MACROD2: variants seen among roughly 807,000 people sequenced by gnomAD.
MACROD2 encodes ADP-ribose glycohydrolase MACROD2.
MACROD2 carries 36 observed loss-of-function variants against 70.4 expected under a neutral mutation model. That is an observed-to-expected ratio of 0.51 (90% CI 0.39 to 0.68). The LOEUF (loss-of-function observed/expected upper bound fraction) is 0.68, where lower values mean the gene tolerates loss of function less well. Ranked by LOEUF, MACROD2 falls within the 30% of genes least tolerant of loss-of-function variation. MACROD2 has a pLI of 0.00. For synonymous variants in MACROD2, 172 were observed against 178.8 expected (o/e 0.96, Z 0.30); for missense variants, 496 against 538.4 (o/e 0.92, Z 0.78).
intron 3 of MACROD2, among the ~76,000 whole-genome samples, chr20:14,285,776 C>T (rs1198625774): frequency 6.6e-6 from 1 of 151,978 alleles, no homozygotes; most frequent in Non-Finnish European, 1.5e-5. Context: ...TGTGTTGAGA[C>T]CATTAACAAT....
Position 15,987,048 on chromosome 20 carries a change from C to A in MACROD2, c.1061-18C>A. ...AACTAAAACAACCCTGAGTGTCCAT[C>A]TGTCTCATTCTATTTAGAACTTTCA... On this transcript the variant is annotated intron_variant, in intron 14 of 17. Transcript: ENST00000684519. 6.3e-7 allele frequency: 1 copy of A among 1,587,988 alleles called. No individual in the cohort carries two copies. The highest frequency in any genetic ancestry group is 8.6e-7 in the Non-Finnish European group (1 of 1,164,982).
intron 5 of MACROD2, among the ~76,000 whole-genome samples, chr20:15,112,465 A>G (rs1166998618): frequency 2.0e-5 from 3 of 152,252 alleles, no homozygotes; most frequent in Admixed American, 1.3e-4. Flanking sequence ...CAAGTTTCAG[A>G]TTTTAATTCC....
At chr20:15,139,151 G>C (rs17292844) in intron 5 of MACROD2, among the ~76,000 whole-genome samples, 32,151 of 152,106 alleles carry the variant, frequency 0.21, 4,659 homozygotes, top group Non-Finnish European at 0.32. Flanking sequence ...GCTCATCCAT[G>C]CTTATAAAAA....
intron 7 of MACROD2, among the ~76,000 whole-genome samples, chr20:15,452,398 G>T (rs2046655832): frequency 6.6e-6 from 1 of 152,064 alleles, no homozygotes; most frequent in South Asian, 2.1e-4. Context: ...CCCAAAAAAA[G>T]ATAGATAAGT....
chr20:14,907,524 T>TG (rs1350265124), intron 5 of MACROD2, among the ~76,000 whole-genome samples: 2 of 152,228 alleles, frequency 1.3e-5, no homozygotes, highest in Non-Finnish European at 2.9e-5. Context: ...CTGTCTGTGA[T>TG]GTCCCGGGGG....
At chr20:15,666,378 C>T (rs1388935758) in intron 8 of MACROD2, among the ~76,000 whole-genome samples, 3 of 152,304 alleles carry the variant, frequency 2.0e-5, no homozygotes, top group African/African-American at 7.2e-5. Flanking sequence ...CAGCTTTACC[C>T]TTCAGCAGCC....
At chr20:14,464,076 T>C (rs1044848391) in intron 3 of MACROD2, among the ~76,000 whole-genome samples, 50 of 152,122 alleles carry the variant, frequency 3.3e-4, no homozygotes, top group Non-Finnish European at 5.4e-4. Flanking sequence ...ATTCCCTCTT[T>C]TTCTATTGAT....
chr20:14,515,799 A>G (rs405993), intron 4 of MACROD2, among the ~76,000 whole-genome samples: 124,490 of 151,684 alleles, frequency 0.82, 51,507 homozygotes, highest in East Asian at 1. Flanking sequence ...ACTGCATGGC[A>G]AATGAATTAT....
intron 5 of MACROD2, among the ~76,000 whole-genome samples, chr20:14,714,277 C>A (rs948171889): frequency 6.6e-6 from 1 of 152,056 alleles, no homozygotes; most frequent in African/African-American, 2.4e-5. Context: ...ATATGTCCAT[C>A]CTGCATTGGG....
At chr20:15,269,919 A>AG (rs2077330852) in intron 6 of MACROD2, among the ~76,000 whole-genome samples, 1 of 152,160 alleles carries the variant, frequency 6.6e-6, no homozygotes, top group African/African-American at 2.4e-5. Context: ...GGCCCCCTGT[A>AG]GGATAATAAC....
intron 5 of MACROD2, among the ~76,000 whole-genome samples, chr20:14,691,702 T>C (rs1384708297): frequency 6.6e-6 from 1 of 152,148 alleles, no homozygotes; most frequent in Non-Finnish European, 1.5e-5. Context: ...CATCGTGGAC[T>C]CTCCCAGCAG....
chr20:15,713,997 A>G (rs866986611), intron 8 of MACROD2, among the ~76,000 whole-genome samples: 4,094 of 135,720 alleles, frequency 0.03, 74 homozygotes, highest in South Asian at 0.056. Context: ...GCACACACAC[A>G]CACACACACA....
intron 8 of MACROD2, among the ~76,000 whole-genome samples, chr20:15,727,197 A>G (rs2179622): frequency 0.86 from 131,157 of 152,112 alleles, 57,014 homozygotes; most frequent in Middle Eastern, 0.93. Flanking sequence ...TTGTTGAATA[A>G]GGAGTCCTTT....
intron 5 of MACROD2, among the ~76,000 whole-genome samples, chr20:14,831,780 C>CAAAAAA (rs71190151): frequency 2.7e-5 from 1 of 37,182 alleles, no homozygotes; most frequent in African/African-American, 9.9e-5. Flanking sequence ...AACTCCGTCT[C>CAAAAAA]AAAAAAAAAA....
intron 8 of MACROD2, among the ~76,000 whole-genome samples, chr20:15,807,633 AT>A (rs1419733134): frequency 6.6e-6 from 1 of 152,178 alleles, no homozygotes; most frequent in Admixed American, 6.5e-5. Flanking sequence ...CTCATTAATA[AT>A]TTTTTATATT....
intron 5 of MACROD2, among the ~76,000 whole-genome samples, chr20:14,772,366 G>T (rs972754870): frequency 6.6e-6 from 1 of 152,048 alleles, no homozygotes; most frequent in East Asian, 1.9e-4. Context: ...AGACTGGGAA[G>T]TTTATATAAG....
intron 10 of MACROD2, among the ~76,000 whole-genome samples, chr20:15,896,212 A>G (rs2064970057): frequency 6.6e-6 from 1 of 152,080 alleles, no homozygotes; most frequent in African/African-American, 2.4e-5. Flanking sequence ...ATTTTTATTT[A>G]TAGATCTCTC....
intron 3 of MACROD2, among the ~76,000 whole-genome samples, chr20:14,418,449 A>G (rs1312400753): frequency 6.6e-6 from 1 of 152,188 alleles, no homozygotes; most frequent in East Asian, 1.9e-4. Context: ...AGATCTTAGA[A>G]TCTTCCAGTT....
chr20:14,950,011 A>G (rs1241218199), intron 5 of MACROD2, among the ~76,000 whole-genome samples: 1 of 152,062 alleles, frequency 6.6e-6, no homozygotes, highest in Non-Finnish European at 1.5e-5. Context: ...TTTTTAGACT[A>G]TGTGTGCACT....
Sources: gnomAD v4.1 joint callset for allele counts (sites outside exome capture counted in the v4.1 genomes callset) on GRCh38, gnomAD v4.1.1 for gene constraint, MANE v1.5 for transcripts, NCBI Gene and HGNC (gene_info 2026-07-23, HGNC 2026-07-21) for gene names.